Variants in EVI2A observed in about 807,000 individuals in gnomAD.
The protein encoded by EVI2A is protein EVI2A.
Under a neutral mutation model 13.0 loss-of-function variants are expected in EVI2A, and 11 were observed. The observed-to-expected ratio is 0.85, with a 90% CI of 0.53 to 1.40. The LOEUF is 1.40. Among genes scored for constraint, EVI2A ranks in the 40% most tolerant of loss-of-function variants. EVI2A has a pLI of 0.00. For synonymous variants in EVI2A, 89 were observed against 98.0 expected, an observed-to-expected ratio of 0.91 and a Z score of 0.54; for missense variants, 267 against 279.5, an observed-to-expected ratio of 0.96 and a Z score of 0.32.
At chr17:31,320,774 C>T (rs554943396) in intron 1 of EVI2A, among the ~76,000 whole-genome samples, 1 of 152,276 alleles carries the variant, frequency 6.6e-6, no homozygotes, top group African/African-American at 2.4e-5. Flanking sequence ...TTGGATATTT[C>T]ATGATTCTTC....
chr17:31,317,967 C>T lies in EVI2A; in HGVS notation c.*336G>A, dbSNP rs899970341. ...TATTCAAAGTTTAATTACATTCAGACAAAGATCATCTAACCACTGTTGCTA... is the reference window on the plus strand; with the variant it reads ...TATTCAAAGTTTAATTACATTCAGATAAAGATCATCTAACCACTGTTGCTA... On this transcript the variant is annotated 3_prime_UTR_variant, in exon 2 of 2. Transcript: ENST00000462804. 5 of 235,626 alleles carry T rather than the reference C, an allele frequency of 2.1e-5. No homozygotes were observed. Among genetic ancestry groups the T allele is most frequent in the African/African-American group, 9.2e-5 (4 of 43,246 alleles). 14.6% of individuals were successfully genotyped at this position (235,626 alleles called of 1,614,324 possible). A position where few individuals can be genotyped will look rare whatever the true frequency, so the allele number is the denominator to read the frequency against.
In EVI2A at chr17:31,318,292, A is replaced by G. The variant is rs2069077369; in HGVS notation, c.*11T>C. ...ATAAGCCTTCTCATTGCTACTTTGC[A>G]TTTTTCTTCACTAACCTATCTGTTT... On this transcript the variant is annotated 3_prime_UTR_variant, in exon 2 of 2. Transcript: ENST00000462804. 1 of 1,589,194 alleles carries G rather than the reference A, an allele frequency of 6.3e-7. No individual in the cohort carries two copies.
chr17:31,318,943 A>G lies in EVI2A; in HGVS notation c.71T>C (p.Leu24Ser), dbSNP rs780621299. ...ATAGTTTGCTTTTGTTCCAGGAGAC[A>G]AAGAAAAAACTGTTGTCATCAGAAA... ...LAFLMTTVFSLSPGTKANYTR... is the reference protein window; with the variant it reads ...LAFLMTTVFSSSPGTKANYTR... Residue 24 changes from leucine to serine, a missense_variant, in exon 2 of 2, where the codon TTG becomes TCG. By Grantham distance (145) the Leu-to-Ser change is moderately radical. Transcript: ENST00000462804. The G allele has an allele frequency of 2.5e-6, 4 of 1,613,870 alleles. No individual in the cohort carries two copies. The highest frequency in any genetic ancestry group is 1.1e-5 in the South Asian group (1 of 91,088).
In EVI2A at chr17:31,318,396, G is replaced by A. The variant is rs763324384; in HGVS notation, c.618C>T (p.Asn206=). The A allele has an allele frequency of 2.5e-6, 4 of 1,613,806 alleles. No individual in the cohort carries two copies. Among genetic ancestry groups the A allele is most frequent in the African/African-American group, 1.3e-5 (1 of 74,830 alleles). ...WKRTKQLTGP[N]LVMQSTGVLT... Reference sequence around the variant, plus strand: ...GCACTCCAGTAGATTGCATCACTAGGTTGGGTCCTGTGAGCTGTTTTGTTC... The same window carrying A: ...GCACTCCAGTAGATTGCATCACTAGATTGGGTCCTGTGAGCTGTTTTGTTC... The change falls in exon 2 of 2, where the codon AAC becomes AAT. Residue 206 remains asparagine, a synonymous_variant. Coordinates refer to ENST00000462804, the MANE Select transcript of EVI2A (RefSeq NM_014210.4).
In EVI2A at chr17:31,318,290, G is replaced by C. The variant is rs1033240426; in HGVS notation, c.*13C>G. The C allele has an allele frequency of 1.3e-6, 2 of 1,588,772 alleles. No individual in the cohort carries two copies. Among genetic ancestry groups the C allele is most frequent in the African/African-American group, 2.7e-5 (2 of 73,308 alleles). ...CCATAAGCCTTCTCATTGCTACTTTGCATTTTTCTTCACTAACCTATCTGT... is the reference window on the plus strand; with the variant it reads ...CCATAAGCCTTCTCATTGCTACTTTCCATTTTTCTTCACTAACCTATCTGT... On this transcript the variant is annotated 3_prime_UTR_variant, in exon 2 of 2. Transcript: ENST00000462804.
At chr17:31,320,177 T>C (rs73275682) in intron 1 of EVI2A, among the ~76,000 whole-genome samples, 18,287 of 152,070 alleles carry the variant, frequency 0.12, 3,019 homozygotes, top group African/African-American at 0.37. Context: ...TACCAGTTTG[T>C]CTTGAGCTAC....
chr17:31,319,169 C>G (rs2069111886), intron 1 of EVI2A, 146 bp from the exon 2 acceptor site: 1 of 834,854 alleles, frequency 1.2e-6, no homozygotes, highest in South Asian at 1.9e-5. Context: ...TCCTTCTCAA[C>G]TAAATTTCTT....
rs1691163920 is a variant in EVI2A, at chr17:31,317,373, A to AC, written c.*929dup. Among the ~76,000 whole-genome samples, 1 of 145,294 alleles carries AC rather than the reference A, an allele frequency of 6.9e-6. No individual in the cohort carries two copies. The highest frequency in any genetic ancestry group is 6.7e-5 in the Admixed American group (1 of 14,852). On this transcript the variant is annotated 3_prime_UTR_variant, in exon 2 of 2. Coordinates refer to ENST00000462804, the MANE Select transcript of EVI2A (RefSeq NM_014210.4). Reference sequence around the variant, plus strand: ...TATGCAGTTTTCCAGATTTGAACACACACACACACACACACACACACACAC... The same window carrying AC: ...TATGCAGTTTTCCAGATTTGAACACACCACACACACACACACACACACACAC...
Position 31,318,193 on chromosome 17 carries a change from G to A in EVI2A, c.*110C>T. The A allele has an allele frequency of 7.3e-7, 1 of 1,376,000 alleles. No homozygotes were observed. Among genetic ancestry groups the A allele is most frequent in the South Asian group, 1.4e-5 (1 of 69,458 alleles). The allele number at this position is 1,376,000 out of a possible 1,614,324, so 85.2% of individuals were successfully genotyped here. ...CACCTGCTTGATTCTAAATTGCAAGGTCTACCATGTCAAATTTTAGATAAT... is the reference window on the plus strand; with the variant it reads ...CACCTGCTTGATTCTAAATTGCAAGATCTACCATGTCAAATTTTAGATAAT... On this transcript the variant is annotated 3_prime_UTR_variant, in exon 2 of 2. Coordinates refer to ENST00000462804, the MANE Select transcript of EVI2A (RefSeq NM_014210.4).
chr17:31,319,735 T>C (rs2069128668), intron 1 of EVI2A, among the ~76,000 whole-genome samples: 1 of 146,642 alleles, frequency 6.8e-6, no homozygotes, highest in Non-Finnish European at 1.5e-5. Context: ...ATACCAGTTT[T>C]CTCAACCTAA....
In EVI2A at chr17:31,317,509, G is replaced by A. The variant is rs1468661784; in HGVS notation, c.*794C>T. The A allele has an allele frequency of 1.3e-5, 2 of 151,874 alleles. No homozygotes were observed. Among genetic ancestry groups the A allele is most frequent in the Non-Finnish European group, 2.9e-5 (2 of 67,970 alleles). 9.4% of individuals were successfully genotyped at this position (151,874 alleles called of 1,614,324 possible). A position where few individuals can be genotyped will look rare whatever the true frequency, so the allele number is the denominator to read the frequency against. ...AGTAAGTAGTATTTATAGAAAAGAT[G>A]AATATTATTAATCATAAACAGTGAA... On this transcript the variant is annotated 3_prime_UTR_variant, in exon 2 of 2. Coordinates refer to ENST00000462804, the MANE Select transcript of EVI2A (RefSeq NM_014210.4).
rs571666003 is a variant in EVI2A at position 31,318,875 on chromosome 17, T to G, written c.139A>C (p.Ile47Leu). ...ANSTSSWDSV[I>L]QNKTGRNQNE... Reference sequence around the variant, plus strand: ...TGGTTTCTGCCTGTCTTGTTTTGAATAACTGAATCCCAGGAAGAAGTACTG... The same window carrying G: ...TGGTTTCTGCCTGTCTTGTTTTGAAGAACTGAATCCCAGGAAGAAGTACTG... The change falls in exon 2 of 2, where the codon ATT (isoleucine) becomes CTT (leucine). Residue 47 changes from isoleucine to leucine, a missense_variant. Transcript: ENST00000462804. The G allele has an allele frequency of 1.2e-6, 2 of 1,614,114 alleles. No individual in the cohort carries two copies. The highest frequency in any genetic ancestry group is 1.7e-6 in the Non-Finnish European group (2 of 1,179,952).
chr17:31,320,248 T>G (rs987436356), intron 1 of EVI2A: 2 of 690,306 alleles, frequency 2.9e-6, no homozygotes, highest in Non-Finnish European at 4.4e-6. Context: ...AAAACTATAT[T>G]GTTCTCCTGA....
In EVI2A at chr17:31,317,234, C is replaced by G. The variant is rs1000666845; in HGVS notation, c.*1069G>C. ...ATTTCAGTAGATATTTGGAAAGTCT[C>G]TCAAACCAATTTTTGTAATATATTT... is the stretch of plus-strand genomic sequence containing the variant. On this transcript the variant is annotated 3_prime_UTR_variant, in exon 2 of 2. Coordinates refer to ENST00000462804, the MANE Select transcript of EVI2A (RefSeq NM_014210.4). Among the ~76,000 whole-genome samples, 1 of 152,046 alleles carries G rather than the reference C, an allele frequency of 6.6e-6. No individual in the cohort carries two copies. Among genetic ancestry groups the G allele is most frequent in the African/African-American group, 2.4e-5 (1 of 41,388 alleles).
chr17:31,318,388 A>T lies in EVI2A; in HGVS notation c.626T>A (p.Met209Lys), dbSNP rs759197449. ...AGCTGTGAGCACTCCAGTAGATTGC[A>T]TCACTAGGTTGGGTCCTGTGAGCTG... Reference protein sequence around the residue: ...TKQLTGPNLVMQSTGVLTATR... With the variant: ...TKQLTGPNLVKQSTGVLTATR... The change falls in exon 2 of 2, where the codon ATG (methionine) becomes AAG (lysine). Residue 209 changes from methionine (M) to lysine (K), a missense_variant. Physicochemically the swap from Met to Lys is moderately conservative, Grantham distance 95 (BLOSUM62 -1). Coordinates refer to ENST00000462804, the MANE Select transcript of EVI2A (RefSeq NM_014210.4). 1.5e-5 allele frequency: 25 copies of T among 1,613,964 alleles called. No individual in the cohort carries two copies. Among genetic ancestry groups the T allele is most frequent in the Non-Finnish European group, 2.1e-5 (25 of 1,179,998 alleles).
Position 31,318,512 on chromosome 17 carries a change from G to C in EVI2A, c.502C>G (p.Arg168Gly), listed in dbSNP as rs781007135. The change falls in exon 2 of 2, where the codon CGA becomes GGA. Residue 168 changes from arginine to glycine, a missense_variant. Physicochemically the swap from Arg to Gly is moderately radical, Grantham distance 125. Coordinates refer to ENST00000462804, the MANE Select transcript of EVI2A (RefSeq NM_014210.4). ...VLANKVSSLR[R>G]SKQVGKRQPR... ...TGACGCTTGCCTACTTGTTTTGATC[G>C]TCTGAGAGAAGAGACTTTGTTTGCC... 5 of 1,613,900 alleles carry C rather than the reference G, an allele frequency of 3.1e-6. No individual in the cohort carries two copies. Among genetic ancestry groups the C allele is most frequent in the African/African-American group, 1.3e-5 (1 of 74,894 alleles).
chr17:31,319,702 T>C (rs990611764), intron 1 of EVI2A, among the ~76,000 whole-genome samples: 2 of 150,784 alleles, frequency 1.3e-5, no homozygotes, highest in African/African-American at 4.9e-5. Context: ...CTGGACTGAC[T>C]GTGTCTTTCT....
In EVI2A at chr17:31,317,101, G is replaced by GA. The variant is rs1407214631; in HGVS notation, c.*1201dup. On this transcript the variant is annotated 3_prime_UTR_variant, in exon 2 of 2. Transcript: ENST00000462804. ...AGAGTAAGATTGTAGTCATACTTGG[G>GA]AAAAAACATATAAAAAATATTTTTA... 2.6e-5 allele frequency among the ~76,000 whole-genome samples: 4 copies of GA among 152,008 alleles called. No homozygotes were observed. The South Asian group carries it at 8.3e-4, about 32-fold the overall frequency.
rs3138611 is a variant in EVI2A, at chr17:31,317,368, A to AACAC, written c.*931_*934dup. On this transcript the variant is annotated 3_prime_UTR_variant, in exon 2 of 2. Transcript: ENST00000462804. ...TGAAGTATGCAGTTTTCCAGATTTG[A>AACAC]ACACACACACACACACACACACACA... Among the ~76,000 whole-genome samples, 19,876 of 144,480 alleles carry AACAC rather than the reference A, an allele frequency of 0.14. 1,440 individuals carry two copies. The highest frequency in any genetic ancestry group is 0.17 in the Non-Finnish European group (11,167 of 65,534). The allele number at this position is 144,480 out of a possible 152,430, so 94.8% of individuals were successfully genotyped here. A position where few individuals can be genotyped will look rare whatever the true frequency, so the allele number is the denominator to read the frequency against.
Sources: allele counts gnomAD v4.1 joint callset (sites outside exome capture counted in the v4.1 genomes callset), GRCh38; gene constraint gnomAD v4.1.1; transcripts MANE v1.5; gene names NCBI Gene and HGNC (gene_info 2026-07-23, HGNC 2026-07-21).